Variants in MRTFB observed in about 807,000 individuals in gnomAD.
MRTFB encodes the protein myocardin related transcription factor B, also known as myocardin-related transcription factor B.
MRTFB carries 29 observed loss-of-function variants against 104.2 expected under a neutral mutation model. The observed-to-expected ratio is 0.28, with a 90% CI of 0.21 to 0.38. The LOEUF is 0.38. Among genes scored for constraint, MRTFB ranks in the 10% least tolerant of loss-of-function variants. The pLI, the probability that MRTFB is intolerant of heterozygous loss-of-function variation, is 1.00. For synonymous variants in MRTFB, 535 were observed against 519.5 expected (o/e 1.03, Z -0.41); for missense variants, 1,270 against 1,341.6 (o/e 0.95, Z 0.83).
chr16:14,260,812 A>T, intron 16 of MRTFB, 97 bp from the exon 17 acceptor site: 1 of 1,016,508 alleles, frequency 9.8e-7, no homozygotes, highest in Non-Finnish European at 1.4e-6. Context: ...GCATAGAAGG[A>T]ATCGCATAAT....
chr16:14,092,123 T>G (rs1402645446), intron 2 of MRTFB, among the ~76,000 whole-genome samples: 1 of 152,092 alleles, frequency 6.6e-6, no homozygotes. Context: ...GAGCAAAGTT[T>G]AGATCAGCTT....
chr16:14,235,252 G>A (rs1361415117), intron 9 of MRTFB, among the ~76,000 whole-genome samples: 2 of 152,164 alleles, frequency 1.3e-5, no homozygotes, highest in East Asian at 1.9e-4. Context: ...TTGTCAGCGT[G>A]GCCGAGTATT....
the MRTFB span, among the ~76,000 whole-genome samples, chr16:14,028,630 C>T: frequency 6.6e-6 from 1 of 152,212 alleles, no homozygotes; most frequent in African/African-American, 2.4e-5. Flanking sequence ...GCCTGCAACT[C>T]GGAATTTTAC....
At chr16:14,140,375 A>C (rs865819339) in intron 2 of MRTFB, among the ~76,000 whole-genome samples, 169 bp from the exon 3 acceptor site, 2 of 152,166 alleles carry the variant, frequency 1.3e-5, no homozygotes, top group Non-Finnish European at 2.9e-5. Context: ...GGTGGGAAGT[A>C]TGTTATTCCT....
the MRTFB span, among the ~76,000 whole-genome samples, chr16:14,043,978 T>C: frequency 6.6e-6 from 1 of 152,222 alleles, no homozygotes; most frequent in African/African-American, 2.4e-5. Context: ...CACGGAAGTC[T>C]TCCTGGAGGA....
At chr16:14,124,616 G>A (rs9929387) in intron 2 of MRTFB, among the ~76,000 whole-genome samples, 8,776 of 152,016 alleles carry the variant, frequency 0.058, 408 homozygotes, top group African/African-American at 0.13. Context: ...GGATGAAGCC[G>A]ACTCGTGGTG....
chr16:14,246,848 A>G lies in MRTFB; in HGVS notation c.1588A>G (p.Met530Val). The G allele has an allele frequency of 6.2e-7, 1 of 1,612,914 alleles. No individual in the cohort carries two copies. Among genetic ancestry groups the G allele is most frequent in the South Asian group, 1.1e-5 (1 of 91,084 alleles). The change falls in exon 12 of 17, where the codon ATG becomes GTG. Residue 530 changes from methionine to valine, a missense_variant. By Grantham distance (21) the Met-to-Val change is conservative. This residue lies in a region of MRTFB where 1,144 missense variants were observed against 1,131.5 expected (regional missense o/e 1.01). Coordinates refer to ENST00000571589, the MANE Select transcript of MRTFB (RefSeq NM_001308142.2). ...CATGGCAGACACTTTCACCGAGATT[A>G]TGACCATGATGTCGCCTTCACAGTT... ...TNMADTFTEI[M>V]TMMSPSQFLS...
chr16:14,250,507 C>T (rs2043209420), intron 13 of MRTFB, among the ~76,000 whole-genome samples: 1 of 152,198 alleles, frequency 6.6e-6, no homozygotes, highest in African/African-American at 2.4e-5. Context: ...ACAGCCTCTC[C>T]AAAGGGGACC....
chr16:14,017,709 ATATTTTT>A, the MRTFB span, among the ~76,000 whole-genome samples: 5 of 15,918 alleles, frequency 3.1e-4, no homozygotes, highest in South Asian at 5.1e-3. Context: ...ATATATATAT[ATATTTTT>A]TTTTTTTTTT....
intron 2 of MRTFB, among the ~76,000 whole-genome samples, chr16:14,120,323 T>G (rs1295035166): frequency 2.0e-5 from 3 of 152,244 alleles, no homozygotes. Context: ...TCTGTTCATT[T>G]ATGGTTGGTG....
the MRTFB span, among the ~76,000 whole-genome samples, chr16:14,008,913 C>T: frequency 2.5e-5 from 2 of 78,732 alleles, no homozygotes; most frequent in African/African-American, 4.0e-5. Flanking sequence ...AAATGTATTC[C>T]TAAGTATTTC....
intron 2 of MRTFB, among the ~76,000 whole-genome samples, chr16:14,137,585 A>G (rs1202689242): frequency 6.6e-6 from 1 of 152,158 alleles, no homozygotes; most frequent in Non-Finnish European, 1.5e-5. Flanking sequence ...ATAATTTGAA[A>G]TGAAAATTCA....
the MRTFB span, among the ~76,000 whole-genome samples, chr16:14,012,848 G>A: frequency 6.6e-6 from 1 of 152,132 alleles, no homozygotes; most frequent in East Asian, 1.9e-4. Flanking sequence ...GCCTGTAGGG[G>A]ATGAGAAGGC....
intron 8 of MRTFB, among the ~76,000 whole-genome samples, chr16:14,232,189 T>G (rs2042297028): frequency 6.6e-6 from 1 of 152,230 alleles, no homozygotes; most frequent in African/African-American, 2.4e-5. Context: ...AGGATTTATA[T>G]GCAAAGAAAT....
At chr16:14,167,363 T>G (rs1032383110) in intron 3 of MRTFB, among the ~76,000 whole-genome samples, 1 of 152,154 alleles carries the variant, frequency 6.6e-6, no homozygotes, top group Non-Finnish European at 1.5e-5. Context: ...GTTTTTTTTT[T>G]CTTGTAAATT....
chr16:14,212,541 T>C, intron 5 of MRTFB, 132 bp downstream of exon 5: 2 of 773,316 alleles, frequency 2.6e-6, no homozygotes, highest in Non-Finnish European at 4.2e-6. Context: ...TCAGGATACA[T>C]GGCATAGAGA....
chr16:14,175,908 G>A (rs1397419271), intron 3 of MRTFB, among the ~76,000 whole-genome samples: 1 of 152,138 alleles, frequency 6.6e-6, no homozygotes, highest in Non-Finnish European at 1.5e-5. Flanking sequence ...TTCTAGAAAA[G>A]ATAAACTAAT....
At position 14,246,874 on chromosome 16, in the gene MRTFB, C is replaced by T. The variant is rs1222657891; in HGVS notation, c.1614C>T (p.Phe538=). The change falls in exon 12 of 17, where the codon TTC becomes TTT. Residue 538 remains phenylalanine (F), a synonymous_variant. Transcript: ENST00000571589. Reference sequence around the variant, plus strand: ...TGACCATGATGTCGCCTTCACAGTTCTTGAGTTCATCTCCTTTGAGAATGA... The same window carrying T: ...TGACCATGATGTCGCCTTCACAGTTTTTGAGTTCATCTCCTTTGAGAATGA... ...EIMTMMSPSQ[F]LSSSPLRMTN... The T allele has an allele frequency of 6.2e-7, 1 of 1,613,540 alleles. No individual in the cohort carries two copies. Among genetic ancestry groups the T allele is most frequent in the African/African-American group, 1.3e-5 (1 of 75,024 alleles).
chr16:14,131,171 A>C (rs2037421063), intron 2 of MRTFB, among the ~76,000 whole-genome samples: 1 of 152,182 alleles, frequency 6.6e-6, no homozygotes, highest in African/African-American at 2.4e-5. Context: ...ACTCCAAAAC[A>C]TGAACTCTGA....
Sources: allele counts gnomAD v4.1 joint callset (sites outside exome capture counted in the v4.1 genomes callset), GRCh38; gene constraint gnomAD v4.1.1; regional missense constraint gnomAD v4.1.1; transcripts MANE v1.5; gene names NCBI Gene and HGNC (gene_info 2026-07-23, HGNC 2026-07-21).